Variants in NYAP2 observed in about 807,000 individuals in gnomAD.
The protein encoded by NYAP2 is neuronal tyrosine-phosphorylated phosphoinositide-3-kinase adaptor 2, also known as neuronal tyrosine-phosphorylated phosphoinositide-3-kinase adapter 2.
Under a neutral mutation model 50.4 loss-of-function variants are expected in NYAP2, and 23 were observed. The observed-to-expected ratio is 0.46, with a 90% CI of 0.33 to 0.65. NYAP2 has a LOEUF of 0.65. NYAP2 is among the 30% of genes least tolerant of loss of function. NYAP2 has a pLI of 0.02. For synonymous variants in NYAP2, 394 were observed against 365.2 expected (o/e 1.08, Z -0.90); for missense variants, 885 against 861.0 (o/e 1.03, Z -0.35).
chr2:225,653,111 A>G (rs957141703), exon 7 of NYAP2: 1 of 152,230 alleles, frequency 6.6e-6, no homozygotes, highest in African/African-American at 2.4e-5. Flanking sequence ...AACTTAGCTA[A>G]TTAAAGCTAT....
chr2:225,642,990 A>G (rs915133297), intron 6 of NYAP2, among the ~76,000 whole-genome samples: 2 of 152,206 alleles, frequency 1.3e-5, no homozygotes, highest in African/African-American at 4.8e-5. Flanking sequence ...CTAAAAAACA[A>G]ATACACAGAC....
At chr2:225,681,537 T>G in the NYAP2 span, among the ~76,000 whole-genome samples, 13 of 152,198 alleles carry the variant, frequency 8.5e-5, no homozygotes, top group African/African-American at 3.1e-4. Flanking sequence ...GCTATTCCAT[T>G]CACTGGCATT....
At chr2:225,430,552 T>C (rs1347450899) in intron 3 of NYAP2, among the ~76,000 whole-genome samples, 2 of 152,206 alleles carry the variant, frequency 1.3e-5, no homozygotes, top group African/African-American at 4.8e-5. Context: ...CCTGCCACTG[T>C]ACAAAGTGCA....
chr2:225,487,462 C>G (rs1008375407), intron 3 of NYAP2, among the ~76,000 whole-genome samples: 4 of 152,032 alleles, frequency 2.6e-5, no homozygotes, highest in Non-Finnish European at 5.9e-5. Context: ...TGGGTTTAAG[C>G]GATTCTCCTG....
Position 225,533,146 on chromosome 2 carries a change from A to G in NYAP2, c.523+19474A>G, listed in dbSNP as rs531334771. On this transcript the variant is annotated intron_variant, in intron 4 of 6. Coordinates refer to ENST00000636099, the Ensembl canonical transcript of NYAP2. ...CAGAGGAAGTGTCTTTAACTGTTGAAAATAAGGACATATGTATTTTAGAAA... is the reference window on the plus strand; with the variant it reads ...CAGAGGAAGTGTCTTTAACTGTTGAGAATAAGGACATATGTATTTTAGAAA... 2.0e-5 allele frequency among the ~76,000 whole-genome samples: 3 copies of G among 152,340 alleles called. No individual in the cohort carries two copies. In the South Asian group the frequency reaches 6.2e-4, roughly 32 times the overall value.
chr2:225,538,805 TC>T, intron 4 of NYAP2, among the ~76,000 whole-genome samples: 1 of 75,718 alleles, frequency 1.3e-5, no homozygotes, highest in African/African-American at 6.4e-5. Flanking sequence ...TTTCTTTCTT[TC>T]TTTCTTTCTT....
chr2:225,472,883 T>A (rs373263829), intron 3 of NYAP2, among the ~76,000 whole-genome samples: 3 of 152,194 alleles, frequency 2.0e-5, no homozygotes, highest in Non-Finnish European at 4.4e-5. Flanking sequence ...TATGTATACA[T>A]GTGCCATGTT....
chr2:225,578,907 A>C (rs1692215607), intron 4 of NYAP2, among the ~76,000 whole-genome samples: 1 of 152,146 alleles, frequency 6.6e-6, no homozygotes, highest in African/African-American at 2.4e-5. Flanking sequence ...ATTTTCTCAC[A>C]ATTCTTGGGG....
chr2:225,408,898 G>C, exon 3 of NYAP2: 2 of 1,608,622 alleles, frequency 1.2e-6, no homozygotes, highest in Non-Finnish European at 1.7e-6. Flanking sequence ...CCTCCAAGAT[G>C]ATGAGTTCTA....
chr2:225,693,655 G>A, the NYAP2 span, among the ~76,000 whole-genome samples: 1 of 151,942 alleles, frequency 6.6e-6, no homozygotes. Flanking sequence ...TTGCTGTATC[G>A]GCAGCCTGGC....
intron 5 of NYAP2, among the ~76,000 whole-genome samples, chr2:225,623,326 C>T (rs1243872266): frequency 6.6e-6 from 1 of 152,162 alleles, no homozygotes; most frequent in African/African-American, 2.4e-5. Flanking sequence ...TGCAACCTAA[C>T]TTAGTATGTA....
rs1690875941 is a variant in NYAP2, at chr2:225,513,691, A to G, written c.523+19A>G. The G allele has an allele frequency of 1.3e-6, 2 of 1,486,830 alleles. No individual in the cohort carries two copies. Among genetic ancestry groups the G allele is most frequent in the East Asian group, 4.8e-5 (2 of 41,632 alleles). The allele number at this position is 1,486,830 out of a possible 1,614,324, so 92.1% of individuals were successfully genotyped here. On this transcript the variant is annotated intron_variant, in intron 4 of 6. Transcript: ENST00000636099. Reference sequence around the variant, plus strand: ...ACTGAAGGTAAAACACGCCATGTCCATGTCACCTAGAAATCTCTTTCAGAT... The same window carrying G: ...ACTGAAGGTAAAACACGCCATGTCCGTGTCACCTAGAAATCTCTTTCAGAT...
chr2:225,620,460 C>T (rs982274101), intron 5 of NYAP2, among the ~76,000 whole-genome samples: 7 of 148,418 alleles, frequency 4.7e-5, no homozygotes, highest in Admixed American at 1.3e-4. Context: ...CACGCACACA[C>T]GCGCATGCAC....
intron 5 of NYAP2, among the ~76,000 whole-genome samples, chr2:225,597,514 T>TATATATATATATATATATAC (rs1559225758): frequency 4.1e-5 from 4 of 98,098 alleles, no homozygotes; most frequent in Non-Finnish European, 6.8e-5. Flanking sequence ...CAAGGAGAAA[T>TATATATATATATATATATAC]ATATATATAT....
intron 3 of NYAP2, among the ~76,000 whole-genome samples, chr2:225,488,223 C>T (rs1432351752): frequency 6.6e-6 from 1 of 152,100 alleles, no homozygotes; most frequent in African/African-American, 2.4e-5. Context: ...CAGCTTATGC[C>T]TAATGAAGTC....
At chr2:225,689,019 G>A in the NYAP2 span, among the ~76,000 whole-genome samples, 1 of 152,188 alleles carries the variant, frequency 6.6e-6, no homozygotes, top group East Asian at 1.9e-4. Context: ...TGGGATTACA[G>A]GTGTGAGCCA....
At chr2:225,432,771 C>T (rs1689290117) in intron 3 of NYAP2, among the ~76,000 whole-genome samples, 1 of 152,206 alleles carries the variant, frequency 6.6e-6, no homozygotes, top group Non-Finnish European at 1.5e-5. Context: ...TATGGCATCT[C>T]CACCATGTTT....
intron 4 of NYAP2, among the ~76,000 whole-genome samples, chr2:225,532,238 T>C (rs1056530484): frequency 2.6e-5 from 4 of 152,224 alleles, no homozygotes; most frequent in Non-Finnish European, 2.9e-5. Flanking sequence ...TTCTTCACCC[T>C]ACCTTACAGT....
rs573863097 is a variant in NYAP2, at chr2:225,598,677, G to C, written c.1618+15642G>C. On this transcript the variant is annotated intron_variant, in intron 5 of 6. Coordinates refer to ENST00000636099, the Ensembl canonical transcript of NYAP2. ...TCCTAAATACAGATAAGCTAGCATAGAGAAGGCAATGCATGATAAGTGACT... is the reference window on the plus strand; with the variant it reads ...TCCTAAATACAGATAAGCTAGCATACAGAAGGCAATGCATGATAAGTGACT... Among the ~76,000 whole-genome samples, 166 of 152,322 alleles carry C rather than the reference G, an allele frequency of 1.1e-3. 2 individuals are homozygous for C. Among genetic ancestry groups the C allele is most frequent in the African/African-American group, 3.9e-3 (162 of 41,570 alleles).
Sources: gnomAD v4.1 joint callset for allele counts (sites outside exome capture counted in the v4.1 genomes callset) on GRCh38, gnomAD v4.1.1 for gene constraint, MANE v1.5 for transcripts, NCBI Gene and HGNC (gene_info 2026-07-23, HGNC 2026-07-21) for gene names.